The following NALCN variants were observed in gnomAD, a reference collection of about 807,000 sequenced individuals.
NALCN encodes the protein sodium leak channel, non-selective.
Under a neutral mutation model 225.3 loss-of-function variants are expected in NALCN, and 111 were observed. The observed-to-expected ratio is 0.49, with a 90% CI of 0.42 to 0.58. NALCN has a LOEUF of 0.58. Among genes scored for constraint, NALCN ranks in the 20% least tolerant of loss-of-function variants. The pLI, the probability that NALCN is intolerant of heterozygous loss-of-function variation, is 0.00. For missense variants in NALCN, 1,378 were observed against 2,202.4 expected (o/e 0.63, Z 7.49); for synonymous variants, 764 against 769.0 (o/e 0.99, Z 0.11).
chr13:101,070,021 T>C (rs2032732846), intron 37 of NALCN, among the ~76,000 whole-genome samples: 1 of 151,788 alleles, frequency 6.6e-6, no homozygotes, highest in Admixed American at 6.6e-5. Flanking sequence ...AAATTCCTGT[T>C]AATGTTGATG....
chr13:101,266,258 G>T (rs569765794), intron 10 of NALCN, among the ~76,000 whole-genome samples: 4 of 151,422 alleles, frequency 2.6e-5, no homozygotes, highest in African/African-American at 9.7e-5. Context: ...TTGCTTACAG[G>T]GAAGGCCTGA....
intron 10 of NALCN, among the ~76,000 whole-genome samples, chr13:101,279,881 A>G (rs926736176): frequency 4.6e-5 from 7 of 151,068 alleles, no homozygotes; most frequent in African/African-American, 1.7e-4. Flanking sequence ...ATAAATAAAA[A>G]GAAGTGGTAT....
intron 15 of NALCN, among the ~76,000 whole-genome samples, chr13:101,153,724 G>A (rs1353240188): frequency 1.3e-5 from 2 of 152,054 alleles, no homozygotes; most frequent in Non-Finnish European, 2.9e-5. Flanking sequence ...ATTTCATCTC[G>A]TTGAGACTCC....
At chr13:101,402,246 A>C (rs1566656771) in intron 1 of NALCN, among the ~76,000 whole-genome samples, 1 of 152,208 alleles carries the variant, frequency 6.6e-6, no homozygotes. Flanking sequence ...TCCGACATTT[A>C]TTAAAAGTAG....
chr13:101,225,811 T>C (rs899394683), intron 13 of NALCN, among the ~76,000 whole-genome samples: 2 of 152,188 alleles, frequency 1.3e-5, no homozygotes, highest in Non-Finnish European at 2.9e-5. Context: ...AATCCTAACA[T>C]GGACCATCCC....
intron 31 of NALCN, among the ~76,000 whole-genome samples, 196 bp downstream of exon 31, chr13:101,083,515 G>C (rs1199764826): frequency 6.6e-6 from 1 of 152,150 alleles, no homozygotes; most frequent in Non-Finnish European, 1.5e-5. Context: ...TAGTCTGAGA[G>C]CACTGAAGCA....
intron 7 of NALCN, among the ~76,000 whole-genome samples, chr13:101,329,997 C>T (rs1033349190): frequency 2.6e-5 from 4 of 151,320 alleles, no homozygotes; most frequent in African/African-American, 9.7e-5. Flanking sequence ...TGAGATCATG[C>T]CACTGCACTC....
intron 7 of NALCN, among the ~76,000 whole-genome samples, chr13:101,300,511 T>G (rs760911703): frequency 5.9e-5 from 9 of 151,860 alleles, no homozygotes; most frequent in Non-Finnish European, 1.2e-4. Context: ...AGTGCAGTGG[T>G]ACAGTCTTGG....
chr13:101,348,267 A>C (rs149116062), intron 6 of NALCN, among the ~76,000 whole-genome samples: 102 of 152,256 alleles, frequency 6.7e-4, no homozygotes, highest in African/African-American at 2.4e-3. Context: ...TGTGTGACTT[A>C]AGCATGCTTT....
chr13:101,346,230 T>A (rs1039572851), intron 6 of NALCN, among the ~76,000 whole-genome samples: 4 of 151,812 alleles, frequency 2.6e-5, no homozygotes, highest in African/African-American at 9.7e-5. Context: ...ATCTGATTCA[T>A]CCCCACAATA....
chr13:101,222,853 C>T (rs897206146), intron 13 of NALCN, among the ~76,000 whole-genome samples: 3 of 152,178 alleles, frequency 2.0e-5, no homozygotes, highest in Non-Finnish European at 4.4e-5. Context: ...ATTAAAGGCA[C>T]TTCTACTTCC....
At chr13:101,272,255 A>C (rs747021322) in intron 10 of NALCN, among the ~76,000 whole-genome samples, 1 of 151,424 alleles carries the variant, frequency 6.6e-6, no homozygotes, top group Non-Finnish European at 1.5e-5. Flanking sequence ...ATGTGTGTGT[A>C]CACATGCATG....
At chr13:101,084,507 C>A (rs2033834024) in intron 30 of NALCN, among the ~76,000 whole-genome samples, 1 of 152,152 alleles carries the variant, frequency 6.6e-6, no homozygotes. Flanking sequence ...ATCCTCCTTA[C>A]TATGTTTTCA....
intron 15 of NALCN, among the ~76,000 whole-genome samples, chr13:101,169,776 G>C (rs751674116): frequency 2.0e-5 from 3 of 152,194 alleles, no homozygotes; most frequent in Non-Finnish European, 4.4e-5. Flanking sequence ...TCACTCCCCT[G>C]AATGTTAGTT....
At chr13:101,308,626 A>C (rs1212219037) in intron 7 of NALCN, among the ~76,000 whole-genome samples, 1 of 152,218 alleles carries the variant, frequency 6.6e-6, no homozygotes, top group Non-Finnish European at 1.5e-5. Context: ...ACTGAGACTC[A>C]AAGTAGCTAT....
intron 28 of NALCN, among the ~76,000 whole-genome samples, chr13:101,092,624 T>C (rs74119242): frequency 0.02 from 3,004 of 152,216 alleles, 103 homozygotes; most frequent in African/African-American, 0.069. Context: ...ATAGTTGGGG[T>C]TAGGTGCTTC....
chr13:101,201,736 TGTG>T (rs748665074), intron 13 of NALCN, among the ~76,000 whole-genome samples: 25 of 152,266 alleles, frequency 1.6e-4, no homozygotes, highest in South Asian at 1.0e-3. Context: ...AATGTTAAAA[TGTG>T]GTGGGGAATA....
chr13:101,300,841 A>T (rs1400906126), intron 7 of NALCN, among the ~76,000 whole-genome samples: 1 of 152,252 alleles, frequency 6.6e-6, no homozygotes, highest in Non-Finnish European at 1.5e-5. Flanking sequence ...GGACTTTTTT[A>T]AAATTATAAA....
At chr13:101,080,252 A>G (rs910647702) in intron 34 of NALCN, among the ~76,000 whole-genome samples, 6 of 152,154 alleles carry the variant, frequency 3.9e-5, no homozygotes, top group African/African-American at 1.2e-4. Flanking sequence ...GTGCTATCCA[A>G]CATGGTAACC....
Sources: allele counts gnomAD v4.1 joint callset (sites outside exome capture counted in the v4.1 genomes callset), GRCh38; gene constraint gnomAD v4.1.1; transcripts MANE v1.5; gene names NCBI Gene and HGNC (gene_info 2026-07-23, HGNC 2026-07-21).